Variants in ROBO2 observed in about 807,000 individuals in gnomAD.
ROBO2 encodes the protein roundabout homolog 2.
Under a neutral mutation model 160.8 loss-of-function variants are expected in ROBO2, and 53 were observed. That is an observed-to-expected ratio of 0.33 (90% confidence interval 0.26 to 0.41). The LOEUF is 0.41. ROBO2 is among the 10% of genes least tolerant of loss of function. ROBO2 has a pLI of 1.00. For missense variants in ROBO2, 1,577 were observed against 1,722.4 expected (o/e 0.92, Z 1.49); for synonymous variants, 664 against 611.7 (o/e 1.09, Z -1.26).
chr3:76,100,860 A>G (rs142634045), intron 2 of ROBO2, among the ~76,000 whole-genome samples: 66 of 152,328 alleles, frequency 4.3e-4, no homozygotes, highest in Admixed American at 1.4e-3. Flanking sequence ...CTCATTTAAC[A>G]TGGATTTATT....
chr3:76,011,634 GAA>G (rs2066196683), intron 2 of ROBO2, among the ~76,000 whole-genome samples: 2 of 152,134 alleles, frequency 1.3e-5, no homozygotes, highest in South Asian at 4.1e-4. Flanking sequence ...GGTTCAAGGG[GAA>G]ATATAGGGGA....
At chr3:76,784,083 G>A (rs1055646768) in intron 2 of ROBO2, among the ~76,000 whole-genome samples, 1 of 150,900 alleles carries the variant, frequency 6.6e-6, no homozygotes, top group Non-Finnish European at 1.5e-5. Flanking sequence ...TTTCAAATTT[G>A]TTGTCAGGAA....
chr3:76,645,035 G>A (rs2090897083), intron 2 of ROBO2, among the ~76,000 whole-genome samples: 2 of 152,160 alleles, frequency 1.3e-5, no homozygotes, highest in Admixed American at 1.3e-4. Context: ...AATCAAATAT[G>A]TCTGTTTTGG....
intron 2 of ROBO2, among the ~76,000 whole-genome samples, chr3:77,136,108 A>G (rs1422700885): frequency 6.6e-6 from 1 of 152,180 alleles, no homozygotes; most frequent in Non-Finnish European, 1.5e-5. Flanking sequence ...GGTTTGGGAC[A>G]TGGTTGTACA....
At chr3:76,431,800 A>G (rs1038746876) in intron 2 of ROBO2, among the ~76,000 whole-genome samples, 3 of 152,184 alleles carry the variant, frequency 2.0e-5, no homozygotes, top group Non-Finnish European at 4.4e-5. Context: ...TTTGTCTTAA[A>G]TATCAAGGCC....
chr3:76,478,680 G>GTTTT (rs1042265916), intron 2 of ROBO2, among the ~76,000 whole-genome samples: 67 of 120,922 alleles, frequency 5.5e-4, no homozygotes, highest in African/African-American at 6.8e-4. Context: ...TTTTTTCTCT[G>GTTTT]TTTTTTTTTT....
intron 2 of ROBO2, among the ~76,000 whole-genome samples, chr3:77,301,886 T>A (rs2062689002): frequency 6.6e-6 from 1 of 151,876 alleles, no homozygotes; most frequent in Admixed American, 6.6e-5. Flanking sequence ...TTTCCTTTTT[T>A]TTTTTCTTTT....
intron 2 of ROBO2, among the ~76,000 whole-genome samples, chr3:76,696,682 AGGGTACAGAGCTATGATAC>A (rs2092935065): frequency 6.6e-6 from 1 of 152,314 alleles, no homozygotes; most frequent in South Asian, 2.1e-4. Flanking sequence ...GTGCATCTCA[AGGGTACAGAGCTATGATAC>A]GGGTCTTCCA....
chr3:76,320,489 T>C (rs1488259048), intron 2 of ROBO2, among the ~76,000 whole-genome samples: 1 of 152,142 alleles, frequency 6.6e-6, no homozygotes, highest in Non-Finnish European at 1.5e-5. Flanking sequence ...TCCCTTCATA[T>C]CAATGTCAAA....
At chr3:76,544,997 T>C (rs1339122115) in intron 2 of ROBO2, among the ~76,000 whole-genome samples, 1 of 151,870 alleles carries the variant, frequency 6.6e-6, no homozygotes, top group Admixed American at 6.6e-5. Flanking sequence ...ACACATTGAG[T>C]AGATATTGAT....
At chr3:77,115,747 A>G (rs966834175) in intron 2 of ROBO2, among the ~76,000 whole-genome samples, 2 of 152,204 alleles carry the variant, frequency 1.3e-5, no homozygotes, top group African/African-American at 4.8e-5. Context: ...TGCATTTGAA[A>G]CTAGAAAGCA....
intron 2 of ROBO2, among the ~76,000 whole-genome samples, chr3:76,397,019 A>T (rs2077497552): frequency 6.6e-6 from 1 of 152,216 alleles, no homozygotes; most frequent in African/African-American, 2.4e-5. Flanking sequence ...TCGCCAAGTC[A>T]ATCCTAAGCC....
chr3:77,208,158 A>C (rs1010898289), intron 2 of ROBO2, among the ~76,000 whole-genome samples: 6 of 152,162 alleles, frequency 3.9e-5, no homozygotes, highest in African/African-American at 1.4e-4. Context: ...ATTGATCAGG[A>C]AATTTATTCA....
intron 2 of ROBO2, among the ~76,000 whole-genome samples, chr3:76,447,740 T>G (rs1459718564): frequency 6.6e-6 from 1 of 151,458 alleles, no homozygotes; most frequent in Non-Finnish European, 1.5e-5. Flanking sequence ...ATGTCCTTTG[T>G]AGGGACATGG....
At chr3:76,252,368 A>C (rs1260187742) in intron 2 of ROBO2, among the ~76,000 whole-genome samples, 5 of 152,086 alleles carry the variant, frequency 3.3e-5, no homozygotes, top group African/African-American at 1.2e-4. Flanking sequence ...TGACGTACTC[A>C]AACGTATTTG....
intron 2 of ROBO2, among the ~76,000 whole-genome samples, chr3:76,252,704 G>GTA (rs761261093): frequency 1.3e-5 from 2 of 150,742 alleles, no homozygotes; most frequent in African/African-American, 4.9e-5. Flanking sequence ...ACAAATATGT[G>GTA]TATATATACA....
At chr3:77,542,484 C>G (rs1019010905) in intron 6 of ROBO2, among the ~76,000 whole-genome samples, 2 of 152,186 alleles carry the variant, frequency 1.3e-5, no homozygotes, top group African/African-American at 4.8e-5. Context: ...TGAAATACAA[C>G]ACATTTCCGA....
chr3:76,717,525 C>T (rs1317715867), intron 2 of ROBO2, among the ~76,000 whole-genome samples: 1 of 151,722 alleles, frequency 6.6e-6, no homozygotes, highest in African/African-American at 2.4e-5. Flanking sequence ...AAAAGCCCCA[C>T]TATCAACCTA....
chr3:77,544,587 C>T (rs188561195), intron 6 of ROBO2, among the ~76,000 whole-genome samples: 25 of 152,154 alleles, frequency 1.6e-4, no homozygotes, highest in African/African-American at 6.0e-4. Context: ...CGCTAGGATT[C>T]TTGTAAGGAT....
Sources: allele counts gnomAD v4.1 joint callset (sites outside exome capture counted in the v4.1 genomes callset), GRCh38; gene constraint gnomAD v4.1.1; transcripts MANE v1.5; gene names NCBI Gene and HGNC (gene_info 2026-07-23, HGNC 2026-07-21).